SIMC1: variants seen among roughly 807,000 people sequenced by gnomAD.
SIMC1 encodes SUMO-interacting motif-containing protein 1.
A neutral mutation model predicts 82.3 loss-of-function variants in SIMC1; 55 were observed. That is an observed-to-expected ratio of 0.67 (90% CI 0.54 to 0.84). The LOEUF (loss-of-function observed/expected upper bound fraction) is 0.84, where lower values mean the gene tolerates loss of function less well. Ranked by LOEUF, SIMC1 falls within the 40% of genes least tolerant of loss-of-function variation. The pLI is 0.00. For missense variants in SIMC1, 915 were observed against 1,107.2 expected (o/e 0.83, Z 2.46); for synonymous variants, 353 against 426.3 (o/e 0.83, Z 2.12).
At chr5:176,263,802 C>A (rs1762095793) in intron 1 of SIMC1, among the ~76,000 whole-genome samples, 1 of 152,120 alleles carries the variant, frequency 6.6e-6, no homozygotes. Context: ...TAACTCATTC[C>A]ACTATCAATT....
rs3965408 is a variant in SIMC1, at chr5:176,298,388, G to A, written c.1734+2068G>A. ...GGCGTGAGCCACCACACCTGTCCTG[G>A]AGTGGGAGGCTGAGATGGGAGTATC... On this transcript the variant is annotated intron_variant, in intron 4 of 9. Coordinates refer to ENST00000429602, the MANE Select transcript of SIMC1 (RefSeq NM_001308195.2). 5.6e-3 allele frequency among the ~76,000 whole-genome samples: 847 copies of A among 152,292 alleles called. 22 individuals are homozygous for A. The highest frequency in any genetic ancestry group is 0.051 in the Admixed American group (780 of 15,294).
intron 5 of SIMC1, among the ~76,000 whole-genome samples, chr5:176,317,451 A>G (rs868752170): frequency 6.6e-6 from 1 of 152,130 alleles, no homozygotes; most frequent in Admixed American, 6.6e-5. Flanking sequence ...ATGGCAAAAT[A>G]TACCCCCATA....
At chr5:176,255,167 TC>T (rs1416669276) in intron 1 of SIMC1, among the ~76,000 whole-genome samples, 2 of 150,962 alleles carry the variant, frequency 1.3e-5, no homozygotes, top group East Asian at 2.0e-4. Context: ...TCCCTGCTAC[TC>T]CAGAGGCTGA....
intron 9 of SIMC1, 97 bp from the exon 10 acceptor site, chr5:176,345,086 C>G (rs1766378116): frequency 6.8e-7 from 1 of 1,470,226 alleles, no homozygotes; most frequent in Non-Finnish European, 9.2e-7. Context: ...AGCTAGTCAG[C>G]AAGTCTTTGC....
chr5:176,249,469 T>A (rs1370187358), intron 1 of SIMC1, among the ~76,000 whole-genome samples: 4 of 152,092 alleles, frequency 2.6e-5, no homozygotes, highest in African/African-American at 9.7e-5. Context: ...TATTTTTTAT[T>A]GTATCTATTT....
chr5:176,328,644 GT>G (rs1468913409), intron 7 of SIMC1, among the ~76,000 whole-genome samples: 1 of 152,070 alleles, frequency 6.6e-6, no homozygotes. Context: ...TAAATTTAAT[GT>G]TTTACATACT....
At chr5:176,326,200 A>G (rs1765386257) in intron 7 of SIMC1, among the ~76,000 whole-genome samples, 1 of 152,052 alleles carries the variant, frequency 6.6e-6, no homozygotes, top group Non-Finnish European at 1.5e-5. Flanking sequence ...CCCCATCCCT[A>G]AACTCCCAGC....
intron 1 of SIMC1, among the ~76,000 whole-genome samples, chr5:176,253,661 A>G (rs543073640): frequency 2.6e-5 from 4 of 152,148 alleles, no homozygotes; most frequent in Non-Finnish European, 4.4e-5. Context: ...GTTTGGAGGG[A>G]GTAGCTCTCA....
At chr5:176,273,839 A>T (rs1322190752) in intron 1 of SIMC1, among the ~76,000 whole-genome samples, 1 of 152,022 alleles carries the variant, frequency 6.6e-6, no homozygotes, top group East Asian at 1.9e-4. Context: ...TGAACTCCTC[A>T]TTTTTTATGG....
At chr5:176,322,551 T>G in intron 6 of SIMC1, 126 bp downstream of exon 6, 1 of 1,182,566 alleles carries the variant, frequency 8.5e-7, no homozygotes, top group Non-Finnish European at 1.1e-6. Context: ...TGATGCTTAT[T>G]CAAGACTTAG....
intron 1 of SIMC1, among the ~76,000 whole-genome samples, chr5:176,251,893 T>G (rs867271778): frequency 1.3e-3 from 194 of 149,884 alleles, no homozygotes; most frequent in African/African-American, 4.5e-3. Flanking sequence ...AGCACAGGGT[T>G]GGGGGTAAGG....
Position 176,286,516 on chromosome 5 carries a change from T to C in SIMC1, c.130-3138T>C, listed in dbSNP as rs201847843. ...ATGGATTAAAGACTTAAATGTTAGA[T>C]CTAAAAGCATAAAAACCCTAGAAGA... On this transcript the variant is annotated intron_variant, in intron 1 of 9. Coordinates refer to ENST00000429602, the MANE Select transcript of SIMC1 (RefSeq NM_001308195.2). 3.7e-3 allele frequency among the ~76,000 whole-genome samples: 562 copies of C among 152,008 alleles called. 3 individuals carry two copies. The highest frequency in any genetic ancestry group is 0.013 in the African/African-American group (533 of 41,456).
At chr5:176,267,895 T>C (rs1404314865) in intron 1 of SIMC1, among the ~76,000 whole-genome samples, 2 of 145,578 alleles carry the variant, frequency 1.4e-5, no homozygotes, top group African/African-American at 5.1e-5. Context: ...TAGCTGGGAC[T>C]ACAGGTGCGC....
At chr5:176,279,898 G>A (rs1350411783) in intron 1 of SIMC1, among the ~76,000 whole-genome samples, 4 of 152,086 alleles carry the variant, frequency 2.6e-5, no homozygotes, top group Admixed American at 6.6e-5. Context: ...TTCCAAGTAT[G>A]TGGTCAATTT....
chr5:176,303,838 T>C (rs1302630661), intron 4 of SIMC1, among the ~76,000 whole-genome samples: 3 of 152,152 alleles, frequency 2.0e-5, no homozygotes, highest in African/African-American at 4.8e-5. Context: ...CTGAATGTCA[T>C]AGGAAAAAGT....
At chr5:176,253,373 C>T (rs530839376) in intron 1 of SIMC1, among the ~76,000 whole-genome samples, 5 of 152,016 alleles carry the variant, frequency 3.3e-5, no homozygotes, top group South Asian at 4.2e-4. Flanking sequence ...AGATACTCCT[C>T]GAGAATTTTT....
At chr5:176,253,622 C>G (rs1232583706) in intron 1 of SIMC1, among the ~76,000 whole-genome samples, 1 of 152,114 alleles carries the variant, frequency 6.6e-6, no homozygotes, top group African/African-American at 2.4e-5. Context: ...CGTCAAAACT[C>G]TTTTAGCCAC....
chr5:176,245,169 A>G (rs1461659530), intron 1 of SIMC1, among the ~76,000 whole-genome samples: 1 of 152,208 alleles, frequency 6.6e-6, no homozygotes, highest in East Asian at 1.9e-4. Context: ...GGCAGATATA[A>G]TCAGTGAAGA....
intron 1 of SIMC1, among the ~76,000 whole-genome samples, chr5:176,262,526 C>T (rs112158012): frequency 2.2e-4 from 34 of 152,284 alleles, no homozygotes; most frequent in East Asian, 7.7e-4. Context: ...GATACAGGGC[C>T]GGGCATGGTA....
Sources: allele counts gnomAD v4.1 joint callset (sites outside exome capture counted in the v4.1 genomes callset), GRCh38; gene constraint gnomAD v4.1.1; transcripts MANE v1.5; gene names NCBI Gene and HGNC (gene_info 2026-07-23, HGNC 2026-07-21).